The following UNC79 variants were observed in gnomAD, a reference collection of about 807,000 sequenced individuals.
UNC79 encodes the protein protein unc-79 homolog.
Under a neutral mutation model 283.1 loss-of-function variants are expected in UNC79, and 37 were observed. That is an observed-to-expected ratio of 0.13 (90% confidence interval 0.10 to 0.17). UNC79 has a LOEUF of 0.17. UNC79 is among the 10% of genes least tolerant of loss of function. UNC79 has a pLI of 1.00. For synonymous variants in UNC79, 1,107 were observed against 1,200.2 expected (o/e 0.92, Z 1.61); for missense variants, 2,272 against 3,211.1 (o/e 0.71, Z 7.07).
Position 93,528,148 on chromosome 14 carries a change from T to C in UNC79, c.964-410T>C, listed in dbSNP as rs79246349. Among the ~76,000 whole-genome samples the C allele has an allele frequency of 8.7e-3, 1,331 of 152,332 alleles. 19 individuals are homozygous for C. Among genetic ancestry groups the C allele is most frequent in the African/African-American group, 0.031 (1,274 of 41,582 alleles). On this transcript the variant is annotated intron_variant, in intron 8 of 48. Transcript: ENST00000555664. ...ACTAGCACTTTGGTATCAGTTATGA[T>C]TCTGAAATCTTAATAATATATTTTC...
At chr14:93,530,928 C>G (rs2060794712) in intron 10 of UNC79, among the ~76,000 whole-genome samples, 2 of 152,028 alleles carry the variant, frequency 1.3e-5, no homozygotes, top group African/African-American at 4.8e-5. Flanking sequence ...ACAAAACAAA[C>G]AAACCCCAAA....
rs544514145 is a variant in UNC79 at position 93,419,054 on chromosome 14, T to C, written c.-350-48617T>C. ...CTGTCCTGTGCCCACTGTCTGGCAC[T>C]CCCTAGTGAGATGAACCCGGTACCT... On this transcript the variant is annotated intron_variant, in intron 1 of 49. Coordinates refer to the UNC79 transcript ENST00000256339. Among the ~76,000 whole-genome samples, 228 of 151,722 alleles carry C rather than the reference T, an allele frequency of 1.5e-3. 6 individuals carry two copies. Among genetic ancestry groups the C allele is most frequent in the Non-Finnish European group, 2.8e-3 (192 of 67,872 alleles).
At chr14:93,422,291 A>G (rs1318805179) in intron 1 of UNC79, among the ~76,000 whole-genome samples, 1 of 151,898 alleles carries the variant, frequency 6.6e-6, no homozygotes, top group Non-Finnish European at 1.5e-5. Flanking sequence ...AGTTGTTATT[A>G]TCTAAAGACC....
intron 5 of UNC79, among the ~76,000 whole-genome samples, chr14:93,489,795 C>T (rs1032243008): frequency 2.0e-5 from 3 of 152,196 alleles, no homozygotes; most frequent in Non-Finnish European, 2.9e-5. Flanking sequence ...GCTCTATCTC[C>T]ATGGCTTGCT....
chr14:93,513,661 T>A (rs540055977), intron 7 of UNC79, among the ~76,000 whole-genome samples: 1 of 152,178 alleles, frequency 6.6e-6, no homozygotes, highest in Non-Finnish European at 1.5e-5. Flanking sequence ...TTTCTATGCA[T>A]TGGGGACATT....
At position 93,340,760 on chromosome 14, in the gene UNC79, T is replaced by C. The variant is rs574968973; in HGVS notation, c.-351+7237T>C. Among the ~76,000 whole-genome samples, 12 of 152,050 alleles carry C rather than the reference T, an allele frequency of 7.9e-5. No homozygotes were observed. In the South Asian group the frequency reaches 8.3e-4, roughly 11 times the overall value. On this transcript the variant is annotated intron_variant, in intron 1 of 49. Transcript: ENST00000256339. ...ATAATTTTTGTATTTTTTGTAGAGA[T>C]GGGGTTTTGTCATGTTGCCCAGGCT...
At chr14:93,630,528 T>C (rs2067942024) in intron 30 of UNC79, among the ~76,000 whole-genome samples, 1 of 152,228 alleles carries the variant, frequency 6.6e-6, no homozygotes, top group South Asian at 2.1e-4. Context: ...TGTTTGGGGA[T>C]ATGCATTGTG....
At chr14:93,385,751 C>T (rs1171084418) in intron 1 of UNC79, among the ~76,000 whole-genome samples, 1 of 150,834 alleles carries the variant, frequency 6.6e-6, no homozygotes, top group Non-Finnish European at 1.5e-5. Flanking sequence ...TGCACTCCAG[C>T]CTGGGTGATG....
chr14:93,652,084 A>G (rs2070345613), intron 35 of UNC79, among the ~76,000 whole-genome samples: 1 of 151,640 alleles, frequency 6.6e-6, no homozygotes, highest in South Asian at 2.1e-4. Flanking sequence ...TTATTGCCTT[A>G]TTGCAATGGC....
chr14:93,370,332 C>T (rs2054416375), intron 1 of UNC79, among the ~76,000 whole-genome samples: 1 of 151,978 alleles, frequency 6.6e-6, no homozygotes, highest in Non-Finnish European at 1.5e-5. Flanking sequence ...AACAGAGGGA[C>T]AATGTAAGCA....
intron 47 of UNC79, among the ~76,000 whole-genome samples, chr14:93,695,535 A>G (rs1471749123): frequency 6.6e-6 from 1 of 152,212 alleles, no homozygotes; most frequent in African/African-American, 2.4e-5. Flanking sequence ...GCAGTTTGGT[A>G]AGTCTTGACT....
At chr14:93,510,902 A>G (rs1283238085) in intron 7 of UNC79, among the ~76,000 whole-genome samples, 1 of 152,122 alleles carries the variant, frequency 6.6e-6, no homozygotes, top group Non-Finnish European at 1.5e-5. Context: ...TCTAGTATGA[A>G]TTTCCTGTAT....
chr14:93,491,942 G>T (rs1166851456), intron 5 of UNC79, among the ~76,000 whole-genome samples: 4 of 152,144 alleles, frequency 2.6e-5, no homozygotes, highest in Non-Finnish European at 5.9e-5. Context: ...TCCACCAGGG[G>T]CTCTCTGGGA....
chr14:93,493,898 TATA>T (rs1344132089), intron 5 of UNC79, among the ~76,000 whole-genome samples: 64 of 29,872 alleles, frequency 2.1e-3, no homozygotes, highest in African/African-American at 6.1e-3. Context: ...TATATATATA[TATA>T]TTTTTTTTTT....
intron 47 of UNC79, among the ~76,000 whole-genome samples, chr14:93,701,137 G>A (rs911863818): frequency 1.3e-5 from 2 of 152,204 alleles, no homozygotes; most frequent in Non-Finnish European, 2.9e-5. Flanking sequence ...CCTGCTGCCA[G>A]TGCTACTGCC....
intron 1 of UNC79, among the ~76,000 whole-genome samples, chr14:93,421,945 A>G (rs892809544): frequency 2.0e-5 from 3 of 151,868 alleles, no homozygotes; most frequent in Non-Finnish European, 4.4e-5. Context: ...AAAGCATTTG[A>G]TAAAATTCAA....
intron 1 of UNC79, among the ~76,000 whole-genome samples, chr14:93,349,209 G>A (rs921374727): frequency 6.6e-6 from 1 of 152,182 alleles, no homozygotes; most frequent in Non-Finnish European, 1.5e-5. Flanking sequence ...TGAAGTCAGC[G>A]GGACCAAGAA....
chr14:93,694,663 C>A (rs2074958229), intron 47 of UNC79, among the ~76,000 whole-genome samples: 1 of 152,072 alleles, frequency 6.6e-6, no homozygotes, highest in Non-Finnish European at 1.5e-5. Context: ...TGCCCATAGT[C>A]CCAGCATTTT....
In UNC79 at chr14:93,586,747, G is replaced by T; in HGVS notation, c.2884-13G>T. On this transcript the variant is annotated splice_polypyrimidine_tract_variant and intron_variant, in intron 21 of 48. Coordinates refer to ENST00000555664, the Ensembl canonical transcript of UNC79. ...TTTTGGATAACTTAGTAACCATGTG[G>T]TTTTTTGTATAGGAAATGGCTAAGT... 6.2e-7 allele frequency: 1 copy of T among 1,613,452 alleles called. No homozygotes were observed. The highest frequency in any genetic ancestry group is 1.1e-5 in the South Asian group (1 of 90,838).
Sources: gnomAD v4.1 joint callset for allele counts (sites outside exome capture counted in the v4.1 genomes callset) on GRCh38, gnomAD v4.1.1 for gene constraint, MANE v1.5 for transcripts, NCBI Gene and HGNC (gene_info 2026-07-23, HGNC 2026-07-21) for gene names.